Variants in GBE1 observed in about 807,000 individuals in gnomAD.
The protein encoded by GBE1 is 1,4-alpha-glucan branching enzyme 1.
A neutral mutation model predicts 88.8 loss-of-function variants in GBE1; 70 were observed. The observed-to-expected ratio is 0.79, with a 90% CI of 0.65 to 0.96. The LOEUF (loss-of-function observed/expected upper bound fraction) is 0.96. Ranked by LOEUF, GBE1 falls within the 40% of genes least tolerant of loss-of-function variation. The pLI, the probability that GBE1 is intolerant of heterozygous loss-of-function variation, is 0.00. For missense variants in GBE1, 872 were observed against 871.0 expected, an observed-to-expected ratio of 1.00 and a Z score of -0.01; for synonymous variants, 284 against 300.1, an observed-to-expected ratio of 0.95 and a Z score of 0.56.
chr3:81,544,225 T>G (rs991993170), intron 12 of GBE1, among the ~76,000 whole-genome samples: 2 of 152,170 alleles, frequency 1.3e-5, no homozygotes, highest in African/African-American at 4.8e-5. Context: ...TTTGGCTGGT[T>G]TATTCAACAG....
chr3:81,504,496 T>C (rs1702629534), intron 14 of GBE1, among the ~76,000 whole-genome samples: 1 of 151,992 alleles, frequency 6.6e-6, no homozygotes, highest in African/African-American at 2.4e-5. Flanking sequence ...AGAATGAAAA[T>C]TTTTTAATAG....
chr3:81,640,524 T>C (rs983683192), intron 7 of GBE1, among the ~76,000 whole-genome samples: 8 of 152,102 alleles, frequency 5.3e-5, no homozygotes, highest in African/African-American at 2.4e-5. Context: ...TCCCTGGCTC[T>C]TCAACTTGCA....
chr3:81,684,273 C>G (rs1705399217), intron 2 of GBE1, among the ~76,000 whole-genome samples: 1 of 152,170 alleles, frequency 6.6e-6, no homozygotes, highest in African/African-American at 2.4e-5. Flanking sequence ...TAGATTCAGC[C>G]CAGCATCTAT....
chr3:81,662,662 TAAA>T (rs1287876832), intron 3 of GBE1, among the ~76,000 whole-genome samples: 2 of 129,978 alleles, frequency 1.5e-5, no homozygotes. Context: ...AACAGTTTTG[TAAA>T]AAAAAAAAAA....
chr3:81,761,246 G>T, intron 1 of GBE1, 129 bp downstream of exon 1: 2 of 1,236,562 alleles, frequency 1.6e-6, no homozygotes, highest in Non-Finnish European at 1.1e-6. Flanking sequence ...CCCGAGCCCC[G>T]CCCACTCAGG....
chr3:81,563,785 C>G (rs1036822550), intron 12 of GBE1, among the ~76,000 whole-genome samples: 1 of 151,852 alleles, frequency 6.6e-6, no homozygotes, highest in Admixed American at 6.6e-5. Flanking sequence ...TACCTCCATT[C>G]TGCAAACTCA....
At chr3:81,529,633 C>A (rs754233032) in intron 14 of GBE1, among the ~76,000 whole-genome samples, 1 of 152,028 alleles carries the variant, frequency 6.6e-6, no homozygotes, top group Non-Finnish European at 1.5e-5. Flanking sequence ...GTACGCCATG[C>A]CACTCTCTCC....
chr3:81,505,269 A>T (rs1702639280), intron 14 of GBE1, among the ~76,000 whole-genome samples: 1 of 152,198 alleles, frequency 6.6e-6, no homozygotes, highest in African/African-American at 2.4e-5. Context: ...CAGGAAAGAG[A>T]ATTTATACCG....
At chr3:81,571,753 T>C (rs1388213120) in intron 12 of GBE1, among the ~76,000 whole-genome samples, 1 of 152,186 alleles carries the variant, frequency 6.6e-6, no homozygotes, top group East Asian at 1.9e-4. Flanking sequence ...TTCAGGTCAC[T>C]CTACATTTGA....
At chr3:81,547,625 TTCTCTCTCTCTCTCTC>T (rs56681369) in intron 12 of GBE1, among the ~76,000 whole-genome samples, 3,892 of 138,364 alleles carry the variant, frequency 0.028, 144 homozygotes, top group African/African-American at 0.059. Context: ...GGTTCGTTTG[TTCTCTCTCTCTCTCTC>T]TCTCTCTCTC....
intron 7 of GBE1, among the ~76,000 whole-genome samples, chr3:81,635,202 G>A (rs1704575249): frequency 6.6e-6 from 1 of 152,144 alleles, no homozygotes; most frequent in South Asian, 2.1e-4. Flanking sequence ...AAACCTAGAA[G>A]TAGACAAGGA....
At chr3:81,503,201 G>T (rs951818148) in intron 14 of GBE1, among the ~76,000 whole-genome samples, 2 of 152,116 alleles carry the variant, frequency 1.3e-5, no homozygotes, top group Non-Finnish European at 2.9e-5. Flanking sequence ...AGGAAGACAT[G>T]GTCTTCATGT....
At chr3:81,679,083 A>G (rs759942838) in intron 2 of GBE1, among the ~76,000 whole-genome samples, 4 of 152,172 alleles carry the variant, frequency 2.6e-5, no homozygotes, top group Admixed American at 6.5e-5. Flanking sequence ...CTAAATATTG[A>G]TAAGTGTCAA....
chr3:81,655,430 G>A (rs1260878891), intron 3 of GBE1, among the ~76,000 whole-genome samples: 1 of 152,148 alleles, frequency 6.6e-6, no homozygotes, highest in Non-Finnish European at 1.5e-5. Flanking sequence ...TAATTAAGTA[G>A]AAAAATAAGT....
intron 1 of GBE1, among the ~76,000 whole-genome samples, chr3:81,730,855 AT>A (rs2107203684): frequency 1.3e-5 from 2 of 152,196 alleles, no homozygotes; most frequent in South Asian, 4.1e-4. Context: ...TGTAGCAAAT[AT>A]GTTTATATGA....
chr3:81,593,782 C>A, intron 8 of GBE1, 126 bp downstream of exon 8: 2 of 565,348 alleles, frequency 3.5e-6, no homozygotes, highest in South Asian at 2.5e-5. Context: ...TACCTTTTGC[C>A]AAAATGGGAT....
chr3:81,627,638 C>T (rs1021344882), intron 7 of GBE1, among the ~76,000 whole-genome samples: 3 of 151,718 alleles, frequency 2.0e-5, no homozygotes, highest in Admixed American at 6.6e-5. Context: ...TACATCAATT[C>T]GAGCTCAACT....
intron 1 of GBE1, 74 bp downstream of exon 1, chr3:81,761,301 C>T (rs557493948): frequency 4.0e-6 from 6 of 1,517,692 alleles, no homozygotes; most frequent in East Asian, 4.9e-5. Flanking sequence ...GGCCGAGGGG[C>T]GGCCCGTGTC....
chr3:81,646,409 G>A lies in GBE1; in HGVS notation c.765C>T (p.Ser255=). The change falls in exon 6 of 16, where the codon AGC becomes AGT. Residue 255 remains serine (S), a synonymous_variant. Coordinates refer to ENST00000429644, the MANE Select transcript of GBE1 (RefSeq NM_000158.4). The part of the protein sequence containing the change: ...YYASFGYQIT[S]FFAASSRYGT... ...GATTTTACCTGGAAGCTGCAAAGAA[G>A]CTTGTGATTTGGTAACCAAAGCTGG... The A allele has an allele frequency of 6.2e-7, 1 of 1,601,184 alleles. No individual in the cohort carries two copies. Among genetic ancestry groups the A allele is most frequent in the Non-Finnish European group, 8.5e-7 (1 of 1,173,522 alleles).
Sources: gnomAD v4.1 joint callset for allele counts (sites outside exome capture counted in the v4.1 genomes callset) on GRCh38, gnomAD v4.1.1 for gene constraint, MANE v1.5 for transcripts, NCBI Gene and HGNC (gene_info 2026-07-23, HGNC 2026-07-21) for gene names.